MMP25: variants seen among roughly 807,000 people sequenced by gnomAD.
MMP25 encodes the protein matrix metallopeptidase 25.
MMP25 carries 68 observed loss-of-function variants against 62.1 expected under a neutral mutation model. The observed-to-expected ratio is 1.10, with a 90% CI of 0.90 to 1.34. The LOEUF (loss-of-function observed/expected upper bound fraction) is 1.34, where lower values mean the gene tolerates loss of function less well. MMP25 is among the 40% of genes most tolerant of loss of function. MMP25 has a pLI of 0.00. For synonymous variants in MMP25, 407 were observed against 345.6 expected (o/e 1.18, Z -1.97); for missense variants, 942 against 792.5 (o/e 1.19, Z -2.26).
intron 2 of MMP25, among the ~76,000 whole-genome samples, chr16:3,048,282 T>G (rs1400378326): frequency 6.6e-6 from 1 of 152,236 alleles, no homozygotes; most frequent in East Asian, 1.9e-4. Context: ...CACTCCAACC[T>G]GGGCAACAGA....
rs745977481 is a variant in MMP25 at position 3,057,007 on chromosome 16, C to T, written c.662-26C>T. ...CCCTTTCCCCAAGCAGGGGCGGCCG[C>T]AGCTCTCACCCACTTTCTCCTGCAG... On this transcript the variant is annotated intron_variant, in intron 4 of 9. Transcript: ENST00000336577. 3.3e-6 allele frequency: 5 copies of T among 1,536,622 alleles called. No homozygotes were observed. The African/African-American group carries it at 6.9e-5, about 21-fold the overall frequency.
chr16:3,046,902 CG>C lies in MMP25; in HGVS notation c.-13del. Reference sequence around the variant, plus strand: ...CCCCCTTCGAACCCCGCCGGCGGCCCGGGCTGGGGCGCACCATGCGGCTGCG... The same window carrying C: ...CCCCCTTCGAACCCCGCCGGCGGCCCGGCTGGGGCGCACCATGCGGCTGCG... On this transcript the variant is annotated 5_prime_UTR_variant, in exon 1 of 10. Transcript: ENST00000336577. 1 of 1,391,518 alleles carries C rather than the reference CG, an allele frequency of 7.2e-7. No homozygotes were observed. The highest frequency in any genetic ancestry group is 9.3e-7 in the Non-Finnish European group (1 of 1,076,284). The allele number at this position is 1,391,518 out of a possible 1,614,324, so 86.2% of individuals were successfully genotyped here. A position where few individuals can be genotyped will look rare whatever the true frequency, so the allele number is the denominator to read the frequency against.
intron 4 of MMP25, 105 bp from the exon 5 acceptor site, chr16:3,056,928 G>T: frequency 1.6e-6 from 2 of 1,258,432 alleles, no homozygotes; most frequent in Middle Eastern, 2.8e-4. Context: ...ACCTCTGGAG[G>T]GTGTCCTGCT....
chr16:3,047,041 T>C (rs1596489943), intron 1 of MMP25, 25 bp downstream of exon 1: 2 of 1,422,330 alleles, frequency 1.4e-6, no homozygotes, highest in Non-Finnish European at 1.8e-6. Flanking sequence ...CGCAGGCTCC[T>C]GGGGTCTGCA....
At chr16:3,049,182 A>G (rs2151152954) in intron 2 of MMP25, among the ~76,000 whole-genome samples, 2 of 151,644 alleles carry the variant, frequency 1.3e-5, no homozygotes, top group Middle Eastern at 6.8e-3. Context: ...CAGGCAGAAG[A>G]CGGCTGCGGA....
intron 4 of MMP25, 114 bp downstream of exon 4, chr16:3,050,660 C>G (rs2151154516): frequency 8.7e-6 from 10 of 1,143,976 alleles, no homozygotes; most frequent in Admixed American, 3.1e-5. Context: ...GTTGCTCAGG[C>G]TAGAGTGCAG....
intron 4 of MMP25, chr16:3,051,817 G>T (rs2741891): frequency 1.3e-5 from 2 of 151,868 alleles, no homozygotes; most frequent in Admixed American, 1.3e-4. Context: ...AGGTGACTTC[G>T]TTCCCTCAAT....
intron 4 of MMP25, chr16:3,054,012 T>A (rs1184677567): frequency 6.6e-6 from 1 of 150,428 alleles, no homozygotes; most frequent in East Asian, 1.9e-4. Flanking sequence ...AGGGAATGGA[T>A]CCAACGAGCG....
chr16:3,057,416 A>G, intron 6 of MMP25, 22 bp downstream of exon 6: 1 of 1,607,128 alleles, frequency 6.2e-7, no homozygotes, highest in Admixed American at 1.7e-5. Context: ...ACCAACTCGG[A>G]GACCTTGGGT....
Position 3,046,941 on chromosome 16 carries a change from G to C in MMP25, c.24G>C (p.Leu8=). 6.8e-7 allele frequency: 1 copy of C among 1,466,300 alleles called. No homozygotes were observed. Among genetic ancestry groups the C allele is most frequent in the Non-Finnish European group, 9.0e-7 (1 of 1,117,272 alleles). The allele number at this position is 1,466,300 out of a possible 1,614,324, so 90.8% of individuals were successfully genotyped here. Residue 8 remains leucine (L), a synonymous_variant, in exon 1 of 10, where the codon CTG becomes CTC. Transcript: ENST00000336577. The stretch of plus-strand genomic sequence containing the variant: ...CCATGCGGCTGCGGCTCCGGCTTCT[G>C]GCGCTGCTGCTTCTGCTGCTGGCAC... The part of the protein sequence containing the change: MRLRLRL[L]ALLLLLLAPP...
intron 2 of MMP25, 28 bp downstream of exon 2, chr16:3,047,575 C>G (rs865908543): frequency 1.9e-6 from 3 of 1,607,520 alleles, no homozygotes; most frequent in Non-Finnish European, 2.5e-6. Flanking sequence ...CTCCCCAGCC[C>G]TGCCTCTGCA....
Position 3,050,144 on chromosome 16 carries a change from G to A in MMP25, c.368G>A (p.Arg123Lys). ...SVWKKRTLTWRVRSFPQSSQL... is the reference protein window; with the variant it reads ...SVWKKRTLTWKVRSFPQSSQL... ...TGGAAGAAGCGAACCCTGACATGGA[G>A]GTAGGTCCTGGGGCCCACCCGCACC... is the stretch of plus-strand genomic sequence containing the variant. The change falls in exon 3 of 10, where the codon AGG (arginine) becomes AAG (lysine). Residue 123 changes from arginine (R) to lysine (K), a missense_variant and splice_region_variant. Arg to Lys is a conservative substitution (Grantham distance 26). Coordinates refer to ENST00000336577, the MANE Select transcript of MMP25 (RefSeq NM_022468.5). 1 of 1,604,454 alleles carries A rather than the reference G, an allele frequency of 6.2e-7. No homozygotes were observed. The highest frequency in any genetic ancestry group is 1.1e-5 in the South Asian group (1 of 90,702).
chr16:3,047,056 G>A, intron 1 of MMP25, 40 bp downstream of exon 1: 1 of 1,398,656 alleles, frequency 7.1e-7, no homozygotes, highest in Non-Finnish European at 9.2e-7. Flanking sequence ...TCTGCAGAGA[G>A]ATTGGGAGAG....
At chr16:3,051,605 G>A (rs1955902657) in intron 4 of MMP25, 1 of 152,184 alleles carries the variant, frequency 6.6e-6, no homozygotes, top group Non-Finnish European at 1.5e-5. Flanking sequence ...GGCCTAGCAG[G>A]TGCCTAGCTC....
At position 3,057,292 on chromosome 16, in the gene MMP25, C is replaced by G. The variant is rs1956028688; in HGVS notation, c.839-18C>G. On this transcript the variant is annotated intron_variant, in intron 5 of 9. Transcript: ENST00000336577. ...GCAGGGCCAGGGGACGCACACCTGC[C>G]TGACTCTTTCCTCACAGGGAAGGCG... 1.2e-6 allele frequency: 2 copies of G among 1,614,082 alleles called. No individual in the cohort carries two copies. The highest frequency in any genetic ancestry group is 8.5e-7 in the Non-Finnish European group (1 of 1,179,966).
Position 3,050,355 on chromosome 16 carries a change from T to A in MMP25, c.470T>A (p.Phe157Tyr), listed in dbSNP as rs1457652244. Reference protein sequence around the residue: ...MAWGMESGLTFHEVDSPQGQE... With the variant: ...MAWGMESGLTYHEVDSPQGQE... ...TGGGGCATGGAGTCAGGCCTCACAT[T>A]TCATGAGGTGGATTCCCCCCAGGGC... The change falls in exon 4 of 10, where the codon TTT (phenylalanine) becomes TAT (tyrosine). Residue 157 changes from phenylalanine to tyrosine, a missense_variant. Coordinates refer to ENST00000336577, the MANE Select transcript of MMP25 (RefSeq NM_022468.5). 4 of 1,614,014 alleles carry A rather than the reference T, an allele frequency of 2.5e-6. No individual in the cohort carries two copies. The highest frequency in any genetic ancestry group is 3.4e-6 in the Non-Finnish European group (4 of 1,180,002).
intron 4 of MMP25, chr16:3,052,995 G>C (rs1427126609): frequency 7.2e-5 from 11 of 153,492 alleles, no homozygotes; most frequent in Admixed American, 2.6e-4. Context: ...AGCAGGGATG[G>C]CAATGCCGGG....
At chr16:3,049,426 T>C (rs1453871051) in intron 2 of MMP25, among the ~76,000 whole-genome samples, 1 of 152,114 alleles carries the variant, frequency 6.6e-6, no homozygotes, top group Non-Finnish European at 1.5e-5. Flanking sequence ...CCTTCATCAC[T>C]ATTTGCCGCC....
chr16:3,059,100 G>A lies in MMP25; in HGVS notation c.*2G>A, dbSNP rs532757551. 13 of 1,537,214 alleles carry A rather than the reference G, an allele frequency of 8.5e-6. No homozygotes were observed. Among genetic ancestry groups the A allele is most frequent in the Non-Finnish European group, 1.1e-5 (12 of 1,138,974 alleles). On this transcript the variant is annotated 3_prime_UTR_variant, in exon 10 of 10. Coordinates refer to ENST00000336577, the MANE Select transcript of MMP25 (RefSeq NM_022468.5). ...GTGGGGGGTGTAGCCTCCCGCTGAT[G>A]GGGGGAGCCATCCAGACCGAACAGC...
Sources: gnomAD v4.1 joint callset for allele counts (sites outside exome capture counted in the v4.1 genomes callset) on GRCh38, gnomAD v4.1.1 for gene constraint, MANE v1.5 for transcripts, NCBI Gene and HGNC (gene_info 2026-07-23, HGNC 2026-07-21) for gene names.